The following PITPNM2 variants were observed in gnomAD, a reference collection of about 807,000 sequenced individuals.
PITPNM2 encodes the protein membrane-associated phosphatidylinositol transfer protein 2.
PITPNM2 carries 35 observed loss-of-function variants against 132.2 expected under a neutral mutation model. The ratio of observed to expected loss-of-function variants is 0.26; its 90% CI spans 0.20 to 0.35. PITPNM2 has a LOEUF of 0.35. PITPNM2 is among the 10% of genes least tolerant of loss of function. The pLI is 1.00. For missense variants in PITPNM2, 1,332 were observed against 1,912.0 expected (o/e 0.70, Z 5.66); for synonymous variants, 738 against 799.2 (o/e 0.92, Z 1.29).
chr12:123,068,296 T>C (rs568170380), intron 2 of PITPNM2, among the ~76,000 whole-genome samples: 1 of 151,868 alleles, frequency 6.6e-6, no homozygotes, highest in African/African-American at 2.4e-5. Flanking sequence ...TGAAACCCCG[T>C]CTCTACTAAA....
intron 8 of PITPNM2, among the ~76,000 whole-genome samples, chr12:123,001,699 G>C (rs116494022): frequency 1.7e-3 from 265 of 152,222 alleles, no homozygotes; most frequent in African/African-American, 6.2e-3. Flanking sequence ...CGTTTTGTTT[G>C]TCCACTCATC....
chr12:123,023,475 T>C lies in PITPNM2; in HGVS notation c.79-9433A>G, dbSNP rs1223438432. ...CTACTTGTGGTATACATGGGGAAAC[T>C]GAGGGCCAGGGACTGGAAGCAACAT... On this transcript the variant is annotated intron_variant, in intron 3 of 25. Transcript: ENST00000320201. The surrounding 1 kb of genome is among the most constrained non-coding windows in gnomAD (Gnocchi z 4.8). Among the ~76,000 whole-genome samples, 1 of 152,182 alleles carries C rather than the reference T, an allele frequency of 6.6e-6. No individual in the cohort carries two copies. Among genetic ancestry groups the C allele is most frequent in the Non-Finnish European group, 1.5e-5 (1 of 68,006 alleles).
At chr12:123,127,012 G>A (rs1018625908) in intron 1 of PITPNM2, among the ~76,000 whole-genome samples, 1 of 152,160 alleles carries the variant, frequency 6.6e-6, no homozygotes, top group Admixed American at 6.5e-5. Flanking sequence ...GGATGCCAGG[G>A]CAAGGGACCA....
In PITPNM2 at chr12:122,990,563, C is replaced by A. The variant is rs1350214788; in HGVS notation, c.2551G>T (p.Ala851Ser). The A allele has an allele frequency of 1.2e-6, 2 of 1,612,862 alleles. No individual in the cohort carries two copies. The highest frequency in any genetic ancestry group is 1.7e-6 in the Non-Finnish European group (2 of 1,179,936). Reference protein sequence around the residue: ...QVSGMAESYTASSIAQKAPDA... With the variant: ...QVSGMAESYTSSSIAQKAPDA... ...TACTCACTCTGGGCGATGCTGGATG[C>A]CGTGTAGCTCTCAGCCATGCCTGAC... The change falls in exon 17 of 26, where the codon GCA becomes TCA. Residue 851 changes from alanine to serine, a missense_variant. Coordinates refer to ENST00000320201, the MANE Select transcript of PITPNM2 (RefSeq NM_020845.3).
chr12:123,105,782 G>A (rs940551489), intron 2 of PITPNM2, among the ~76,000 whole-genome samples: 1 of 152,152 alleles, frequency 6.6e-6, no homozygotes, highest in Non-Finnish European at 1.5e-5. Context: ...CCGAAGACAG[G>A]GGCTCTGTAC....
intron 2 of PITPNM2, among the ~76,000 whole-genome samples, chr12:123,103,225 C>T (rs376062860): frequency 5.3e-5 from 8 of 152,200 alleles, no homozygotes; most frequent in East Asian, 1.9e-4. Context: ...TGGCCATTTC[C>T]CTGCATATGC....
In PITPNM2 at chr12:122,992,789, T is replaced by A; in HGVS notation, c.2234-120A>T. On this transcript the variant is annotated intron_variant, in intron 15 of 25. Transcript: ENST00000320201. The surrounding 1 kb of genome is among the most constrained non-coding windows in gnomAD (Gnocchi z 6.5). ...TGAAAGTTAGGGATAAGATGGGGGG[T>A]GTGTCTCTATCAATTTGGGACCTGT... 1 of 692,706 alleles carries A rather than the reference T, an allele frequency of 1.4e-6. No individual in the cohort carries two copies. Among genetic ancestry groups the A allele is most frequent in the Non-Finnish European group, 2.4e-6 (1 of 422,272 alleles). 42.9% of individuals were successfully genotyped at this position (692,706 alleles called of 1,614,324 possible).
rs2040210187 is a variant in PITPNM2, at chr12:123,034,652, C to T, written c.-62G>A. 6.9e-7 allele frequency: 1 copy of T among 1,456,558 alleles called. No homozygotes were observed. The highest frequency in any genetic ancestry group is 1.7e-5 in the Admixed American group (1 of 59,710). The allele number at this position is 1,456,558 out of a possible 1,614,324, so 90.2% of individuals were successfully genotyped here. ...AAGTTGGGACTTCTAGGCAAGGTTCCTTAAATAACCATGACAAAATTCACC... is the reference window on the plus strand; with the variant it reads ...AAGTTGGGACTTCTAGGCAAGGTTCTTTAAATAACCATGACAAAATTCACC... On this transcript the variant is annotated 5_prime_UTR_variant, in exon 3 of 26. Coordinates refer to ENST00000320201, the MANE Select transcript of PITPNM2 (RefSeq NM_020845.3).
At chr12:123,043,061 G>T (rs2040547410) in intron 2 of PITPNM2, among the ~76,000 whole-genome samples, 1 of 152,042 alleles carries the variant, frequency 6.6e-6, no homozygotes, top group Non-Finnish European at 1.5e-5. Context: ...CCCCAGAGTA[G>T]TTCCACCTTT....
chr12:123,048,299 G>T (rs1162363976), intron 2 of PITPNM2, among the ~76,000 whole-genome samples: 1 of 152,078 alleles, frequency 6.6e-6, no homozygotes, highest in Non-Finnish European at 1.5e-5. Context: ...AATACTGCAT[G>T]ATTCCACTTA....
chr12:123,082,843 G>C lies in PITPNM2; in HGVS notation c.-96+27542C>G, dbSNP rs1468326824. On this transcript the variant is annotated intron_variant, in intron 2 of 25. Coordinates refer to ENST00000320201, the MANE Select transcript of PITPNM2 (RefSeq NM_020845.3). This position sits in a 1 kb window ranked among gnomAD's most constrained non-coding sequence, Gnocchi z 5.4. ...CAGAACCAATTCACCTTCCCCAGCT[G>C]AACTCTACACATTAAACAATAACTC... The C allele has an allele frequency of 1.3e-5, 2 of 152,254 alleles. No individual in the cohort carries two copies. Among genetic ancestry groups the C allele is most frequent in the Non-Finnish European group, 2.9e-5 (2 of 68,104 alleles). The allele number at this position is 152,254 out of a possible 1,614,324, so 9.4% of individuals were successfully genotyped here.
At chr12:123,044,056 A>C (rs146405381) in intron 2 of PITPNM2, among the ~76,000 whole-genome samples, 2 of 152,246 alleles carry the variant, frequency 1.3e-5, no homozygotes, top group East Asian at 3.9e-4. Context: ...TGCTCCCCTA[A>C]TTTAACACTG....
At chr12:123,041,894 GA>G in intron 2 of PITPNM2, among the ~76,000 whole-genome samples, 1 of 152,172 alleles carries the variant, frequency 6.6e-6, no homozygotes, top group African/African-American at 2.4e-5. Context: ...CCTGGCCTTA[GA>G]AAAGTCTTCA....
chr12:123,012,589 T>C (rs936427215), intron 5 of PITPNM2, 24 bp downstream of exon 5: 5 of 1,613,538 alleles, frequency 3.1e-6, no homozygotes, highest in Non-Finnish European at 4.2e-6. Flanking sequence ...TACAGCCCTG[T>C]GGGGCTCTGC....
rs1369978756 is a variant in PITPNM2, at chr12:123,078,210, G to A, written c.-96+32175C>T. Among the ~76,000 whole-genome samples, 1 of 152,222 alleles carries A rather than the reference G, an allele frequency of 6.6e-6. No individual in the cohort carries two copies. The highest frequency in any genetic ancestry group is 1.9e-4 in the East Asian group (1 of 5,200). On this transcript the variant is annotated intron_variant, in intron 2 of 25. Transcript: ENST00000320201. This position sits in a 1 kb window ranked among gnomAD's most constrained non-coding sequence, Gnocchi z 7.3. ...GAGCCGCTGGCAGAGCCCAAGGCGG[G>A]CGGAGGAGCCATATGCCAGAGGGAA...
At chr12:123,123,639 A>C (rs1029448946) in intron 1 of PITPNM2, among the ~76,000 whole-genome samples, 1 of 152,072 alleles carries the variant, frequency 6.6e-6, no homozygotes, top group Non-Finnish European at 1.5e-5. Flanking sequence ...AAATTAAATT[A>C]AATTAAATTT....
Position 123,034,667 on chromosome 12 carries a change from CA to C in PITPNM2, c.-78del. Reference sequence around the variant, plus strand: ...GGCAAGGTTCCTTAAATAACCATGACAAAATTCACCAAGGACCCCTGGGAGA... The same window carrying C: ...GGCAAGGTTCCTTAAATAACCATGACAAATTCACCAAGGACCCCTGGGAGA... On this transcript the variant is annotated 5_prime_UTR_variant, in exon 3 of 26. Coordinates refer to ENST00000320201, the MANE Select transcript of PITPNM2 (RefSeq NM_020845.3). 8.0e-7 allele frequency: 1 copy of C among 1,254,248 alleles called. No homozygotes were observed. Among genetic ancestry groups the C allele is most frequent in the South Asian group, 1.2e-5 (1 of 82,544 alleles). The allele number at this position is 1,254,248 out of a possible 1,614,324, so 77.7% of individuals were successfully genotyped here. A position where few individuals can be genotyped will look rare whatever the true frequency, so the allele number is the denominator to read the frequency against.
intron 2 of PITPNM2, among the ~76,000 whole-genome samples, chr12:123,072,992 A>G (rs1212135605): frequency 6.6e-6 from 1 of 152,128 alleles, no homozygotes; most frequent in Non-Finnish European, 1.5e-5. Context: ...GCCTCTTGAG[A>G]GTTTGGCTGG....
At chr12:123,034,058 T>C in intron 3 of PITPNM2, among the ~76,000 whole-genome samples, 1 of 152,266 alleles carries the variant, frequency 6.6e-6, no homozygotes, top group African/African-American at 2.4e-5. Context: ...AAGGCGCCCA[T>C]GTGCAAGCCA....
Sources: allele counts gnomAD v4.1 joint callset (sites outside exome capture counted in the v4.1 genomes callset), GRCh38; gene constraint gnomAD v4.1.1; non-coding constraint Gnocchi (gnomAD v3.1); transcripts MANE v1.5; gene names NCBI Gene and HGNC (gene_info 2026-07-23, HGNC 2026-07-21).